The following CPQ variants were observed in gnomAD, a reference collection of about 807,000 sequenced individuals.
CPQ encodes Ser-Met dipeptidase.
CPQ carries 37 observed loss-of-function variants against 45.7 expected under a neutral mutation model. The ratio of observed to expected loss-of-function variants is 0.81; its 90% CI spans 0.62 to 1.07. The LOEUF is 1.07. CPQ is among the 50% of genes least tolerant of loss of function. The pLI, the probability that CPQ is intolerant of heterozygous loss-of-function variation, is 0.00. For missense variants in CPQ, 537 were observed against 572.9 expected (o/e 0.94, Z 0.64); for synonymous variants, 186 against 205.8 (o/e 0.90, Z 0.82).
intron 4 of CPQ, among the ~76,000 whole-genome samples, chr8:96,902,092 G>A (rs1586444487): frequency 1.3e-5 from 2 of 152,270 alleles, no homozygotes; most frequent in East Asian, 1.9e-4. Context: ...AAGCATGGAA[G>A]GAGGGTCAGT....
intron 2 of CPQ, among the ~76,000 whole-genome samples, chr8:96,795,298 T>C (rs1203194218): frequency 6.6e-6 from 1 of 152,074 alleles, no homozygotes. Flanking sequence ...GTGCAGGAAA[T>C]TCCCCCTTTT....
intron 3 of CPQ, among the ~76,000 whole-genome samples, chr8:96,851,383 G>A (rs1197735370): frequency 1.3e-5 from 2 of 152,126 alleles, no homozygotes; most frequent in Non-Finnish European, 1.5e-5. Context: ...CCATAGACTG[G>A]GTAATTTATA....
At chr8:96,649,462 T>TTGATCTTAGATC (rs1260232842) in intron 1 of CPQ, among the ~76,000 whole-genome samples, 1 of 152,090 alleles carries the variant, frequency 6.6e-6, no homozygotes, top group Non-Finnish European at 1.5e-5. Context: ...CTAAGATAGG[T>TTGATCTTAGATC]TTGAGAGACT....
intron 2 of CPQ, among the ~76,000 whole-genome samples, chr8:96,825,480 T>G (rs564387922): frequency 6.6e-5 from 10 of 151,992 alleles, no homozygotes; most frequent in Non-Finnish European, 1.3e-4. Flanking sequence ...TTGTCACCTA[T>G]AAAATGTGGC....
intron 2 of CPQ, among the ~76,000 whole-genome samples, chr8:96,813,792 A>T (rs1001622695): frequency 6.6e-6 from 1 of 151,194 alleles, no homozygotes; most frequent in Non-Finnish European, 1.5e-5. Context: ...TATTCCAGAG[A>T]TTATCTGTCT....
intron 3 of CPQ, among the ~76,000 whole-genome samples, chr8:96,857,383 T>A (rs186421201): frequency 3.2e-4 from 49 of 152,324 alleles, no homozygotes; most frequent in African/African-American, 1.2e-3. Context: ...TCTCCTCTTA[T>A]GAAGTCATTT....
chr8:96,918,731 C>T (rs1470793559), intron 4 of CPQ, among the ~76,000 whole-genome samples: 1 of 152,050 alleles, frequency 6.6e-6, no homozygotes, highest in Non-Finnish European at 1.5e-5. Flanking sequence ...CCTCACCTTC[C>T]ACTGTGCCCA....
intron 7 of CPQ, among the ~76,000 whole-genome samples, chr8:97,141,639 C>T (rs1190917810): frequency 6.6e-6 from 1 of 152,162 alleles, no homozygotes; most frequent in Admixed American, 6.6e-5. Flanking sequence ...CACACACATA[C>T]TCTATAGCCC....
intron 4 of CPQ, among the ~76,000 whole-genome samples, chr8:96,912,065 T>A (rs548329065): frequency 6.6e-6 from 1 of 152,342 alleles, no homozygotes; most frequent in African/African-American, 2.4e-5. Flanking sequence ...TGCAAAGTGC[T>A]TAATTACAGG....
chr8:96,742,572 G>A (rs867272276), intron 1 of CPQ, among the ~76,000 whole-genome samples: 7 of 152,098 alleles, frequency 4.6e-5, no homozygotes, highest in South Asian at 4.2e-4. Flanking sequence ...TCCTAGTCTC[G>A]ATGGTCTTTA....
At chr8:96,713,236 A>C (rs921958839) in intron 1 of CPQ, among the ~76,000 whole-genome samples, 1 of 152,210 alleles carries the variant, frequency 6.6e-6, no homozygotes, top group Non-Finnish European at 1.5e-5. Context: ...AGGAAGTTTT[A>C]AACTTTTCCA....
chr8:96,962,661 T>G (rs1426000869), intron 4 of CPQ, among the ~76,000 whole-genome samples: 1 of 152,196 alleles, frequency 6.6e-6, no homozygotes. Context: ...GCCTTGTGCA[T>G]TGGTATATTT....
At chr8:96,682,141 T>A (rs1809160244) in intron 1 of CPQ, among the ~76,000 whole-genome samples, 1 of 152,144 alleles carries the variant, frequency 6.6e-6, no homozygotes, top group Non-Finnish European at 1.5e-5. Flanking sequence ...TTTTGAAATA[T>A]GAGGACATGA....
At chr8:96,976,505 A>T (rs994464850) in intron 5 of CPQ, among the ~76,000 whole-genome samples, 3 of 152,056 alleles carry the variant, frequency 2.0e-5, no homozygotes, top group Non-Finnish European at 4.4e-5. Context: ...AACATCCTAA[A>T]ATTAATATGG....
chr8:96,978,348 G>T (rs1021340764), intron 5 of CPQ, among the ~76,000 whole-genome samples: 4 of 152,308 alleles, frequency 2.6e-5, no homozygotes, highest in African/African-American at 9.6e-5. Flanking sequence ...ACATCTGTGA[G>T]ATAAAGCAAG....
At chr8:96,995,470 A>G (rs186732779) in intron 5 of CPQ, among the ~76,000 whole-genome samples, 7 of 151,926 alleles carry the variant, frequency 4.6e-5, no homozygotes, top group African/African-American at 1.7e-4. Flanking sequence ...TATAGTTTGA[A>G]TGGATTGCTA....
At chr8:96,665,859 C>A (rs1265361012) in intron 1 of CPQ, among the ~76,000 whole-genome samples, 2 of 152,154 alleles carry the variant, frequency 1.3e-5, no homozygotes, top group African/African-American at 4.8e-5. Context: ...TTATTTGCAA[C>A]ATCCATATAT....
At chr8:96,991,237 C>G (rs1425054660) in intron 5 of CPQ, among the ~76,000 whole-genome samples, 1 of 152,148 alleles carries the variant, frequency 6.6e-6, no homozygotes, top group African/African-American at 2.4e-5. Flanking sequence ...CTTCAGTCTT[C>G]TCCTTTGTTA....
intron 7 of CPQ, among the ~76,000 whole-genome samples, chr8:97,134,931 G>A (rs1051763942): frequency 1.3e-5 from 2 of 152,174 alleles, no homozygotes; most frequent in South Asian, 4.1e-4. Flanking sequence ...TCCCCTATTT[G>A]GGGAGTCTGT....
Sources: allele counts gnomAD v4.1 joint callset (sites outside exome capture counted in the v4.1 genomes callset), GRCh38; gene constraint gnomAD v4.1.1; transcripts MANE v1.5; gene names NCBI Gene and HGNC (gene_info 2026-07-23, HGNC 2026-07-21).